Variants in POLR2E observed in about 807,000 individuals in gnomAD.
POLR2E encodes the protein RNA polymerase II, I and III subunit E, also known as DNA-directed RNA polymerases I, II, and III subunit RPABC1.
In POLR2E, 35 loss-of-function variants were observed where a neutral mutation model predicts 29.8. That is an observed-to-expected ratio of 1.17 (90% confidence interval 0.90 to 1.55). The LOEUF is 1.55. Ranked by LOEUF, POLR2E falls within the 40% of genes most tolerant of loss-of-function variation. POLR2E has a pLI of 0.00. For synonymous variants in POLR2E, 174 were observed against 112.6 expected, an observed-to-expected ratio of 1.55 and a Z score of -3.45; for missense variants, 287 against 288.6, an observed-to-expected ratio of 0.99 and a Z score of 0.04.
chr19:1,093,800 G>A (rs758414422), intron 2 of POLR2E, 104 bp downstream of exon 2: 9 of 1,441,022 alleles, frequency 6.2e-6, no homozygotes, highest in African/African-American at 1.5e-5. Flanking sequence ...TGGGCAGAGA[G>A]ACAAATGCTG....
chr19:1,088,951 C>T (rs1487803319), intron 7 of POLR2E, among the ~76,000 whole-genome samples: 4 of 152,130 alleles, frequency 2.6e-5, no homozygotes, highest in Non-Finnish European at 4.4e-5. Flanking sequence ...CACCCCTGGG[C>T]TGAGTGTGAA....
chr19:1,089,273 A>G (rs2043776698), intron 7 of POLR2E, among the ~76,000 whole-genome samples, 199 bp downstream of exon 7: 1 of 152,200 alleles, frequency 6.6e-6, no homozygotes, highest in South Asian at 2.1e-4. Context: ...GTCCAGGCGC[A>G]CAGCCCCAAG....
intron 2 of POLR2E, among the ~76,000 whole-genome samples, chr19:1,093,331 T>C (rs980702989): frequency 2.6e-4 from 39 of 152,356 alleles, no homozygotes; most frequent in African/African-American, 8.9e-4. Flanking sequence ...CTGAGGGCTT[T>C]AGAGCCATAC....
chr19:1,090,823 C>T (rs2043812946), intron 4 of POLR2E, 85 bp downstream of exon 4: 1 of 1,196,334 alleles, frequency 8.4e-7, no homozygotes, highest in African/African-American at 1.5e-5. Flanking sequence ...TGCCCTGGGC[C>T]CCAGATCCCA....
chr19:1,094,960 C>A, intron 1 of POLR2E: 2 of 497,956 alleles, frequency 4.0e-6, no homozygotes, highest in Non-Finnish European at 7.1e-6. Context: ...GGGGGCGCCC[C>A]CCGTCCCCAT....
chr19:1,094,235 C>T (rs1167735894), intron 1 of POLR2E, 157 bp from the exon 2 acceptor site: 19 of 631,858 alleles, frequency 3.0e-5, no homozygotes, highest in Non-Finnish European at 2.2e-5. Flanking sequence ...CACCCCGGCC[C>T]CCACAGCCTC....
At chr19:1,089,616 G>A (rs1403155355) in intron 6 of POLR2E, 65 bp from the exon 7 acceptor site, 17 of 1,396,804 alleles carry the variant, frequency 1.2e-5, no homozygotes, top group African/African-American at 2.8e-5. Flanking sequence ...CCAGACAGCA[G>A]GCGGGCAGCA....
chr19:1,094,073 G>A lies in POLR2E; in HGVS notation c.63C>T (p.Cys21=). ...GGGTCACCAGATAGCCACGGTCGTG[G>A]CACAGCTGCAGAGAGAAAGAACCAG... is the stretch of plus-strand genomic sequence containing the variant. ...WKIRKTIMQL[C]HDRGYLVTQD... is the part of the protein sequence containing the mutation. The change falls in exon 2 of 8, where the codon TGC becomes TGT. Residue 21 remains cysteine, a synonymous_variant. Transcript: ENST00000615234. 1 of 1,609,722 alleles carries A rather than the reference G, an allele frequency of 6.2e-7. No homozygotes were observed. The highest frequency in any genetic ancestry group is 1.1e-5 in the South Asian group (1 of 90,636).
chr19:1,092,645 G>A (rs201376246), intron 2 of POLR2E, among the ~76,000 whole-genome samples: 32 of 152,020 alleles, frequency 2.1e-4, no homozygotes, highest in African/African-American at 5.8e-4. Context: ...CAGAGATTGC[G>A]CCACTGCACT....
At position 1,087,057 on chromosome 19, in the gene POLR2E, C is replaced by T. The variant is rs1387536976; in HGVS notation, c.*1678G>A. 1 of 151,654 alleles carries T rather than the reference C, an allele frequency of 6.6e-6. No individual in the cohort carries two copies. Among genetic ancestry groups the T allele is most frequent in the African/African-American group, 2.4e-5 (1 of 41,214 alleles). 9.4% of individuals were successfully genotyped at this position (151,654 alleles called of 1,614,324 possible). On this transcript the variant is annotated 3_prime_UTR_variant, in exon 8 of 8. Transcript: ENST00000615234. The stretch of plus-strand genomic sequence containing the variant: ...CCAGGCTGGAGTACAGGAGCACAAT[C>T]GTAGCTCACTGCAGCCTCGGCCTCC...
Position 1,089,563 on chromosome 19 carries a change from G to A in POLR2E, c.568-12C>T, listed in dbSNP as rs1053802926. 9.3e-6 allele frequency: 15 copies of A among 1,612,168 alleles called. No individual in the cohort carries two copies. The highest frequency in any genetic ancestry group is 1.2e-5 in the Non-Finnish European group (14 of 1,178,364). On this transcript the variant is annotated splice_polypyrimidine_tract_variant and intron_variant, in intron 6 of 7. Transcript: ENST00000615234. ...ATGATCTTCACCACCTGCAGAGACA[G>A]AGAGCAGGGGCTGCGAATGCTTGAG... is the stretch of plus-strand genomic sequence containing the variant.
At chr19:1,095,139 G>T in intron 1 of POLR2E, 120 bp downstream of exon 1, 3 of 1,058,756 alleles carry the variant, frequency 2.8e-6, no homozygotes, top group Non-Finnish European at 4.2e-6. Context: ...CTCCCGTATC[G>T]GCCCGGCCCT....
chr19:1,091,951 G>A (rs772170528), intron 2 of POLR2E, 44 bp from the exon 3 acceptor site: 41 of 1,406,796 alleles, frequency 2.9e-5, no homozygotes, highest in Middle Eastern at 1.8e-4. Flanking sequence ...CTGGGCCCTC[G>A]TGGCCCTCGC....
chr19:1,091,420 C>T (rs910567953), intron 3 of POLR2E: 2 of 378,772 alleles, frequency 5.3e-6, no homozygotes, highest in Non-Finnish European at 9.9e-6. Flanking sequence ...CACGGATAGG[C>T]CCCTGGAGGA....
At position 1,091,915 on chromosome 19, in the gene POLR2E, CAGAG is replaced by C. The variant is rs759072372; in HGVS notation, c.233-12_233-9del. On this transcript the variant is annotated splice_polypyrimidine_tract_variant and intron_variant, in intron 2 of 7. Transcript: ENST00000615234. ...TGCCCACCTTGGGCTCCTCTGCAGACAGAGAGTGTGCTGGCCTGCACGAGCCTGG... is the reference window on the plus strand; with the variant it reads ...TGCCCACCTTGGGCTCCTCTGCAGACAGTGTGCTGGCCTGCACGAGCCTGG... 5.0e-6 allele frequency: 8 copies of C among 1,594,658 alleles called. No homozygotes were observed. The East Asian group carries it at 6.7e-5, about 13-fold the overall frequency.
At position 1,094,031 on chromosome 19, in the gene POLR2E, C is replaced by T. The variant is rs2043893421; in HGVS notation, c.105G>A (p.Gln35=). ...ATTGGGCTTTGAACTCCTCCAGGGT[C>T]TGGTCAAGCTCGTCCTGGGTCACCA... ...GYLVTQDELD[Q]TLEEFKAQSG... Residue 35 remains glutamine (Q), a synonymous_variant, in exon 2 of 8, where the codon CAG becomes CAA. Transcript: ENST00000615234. 1 of 1,613,742 alleles carries T rather than the reference C, an allele frequency of 6.2e-7. No homozygotes were observed. Among genetic ancestry groups the T allele is most frequent in the Non-Finnish European group, 8.5e-7 (1 of 1,179,884 alleles).
At chr19:1,092,263 G>A (rs1207225647) in intron 2 of POLR2E, 4 of 225,920 alleles carry the variant, frequency 1.8e-5, no homozygotes, top group East Asian at 1.1e-4. Context: ...CACACCCCAG[G>A]ACGCTCTCTT....
In POLR2E at chr19:1,094,098, G is replaced by C; in HGVS notation, c.58-20C>G. ...GCACAGCTGCAGAGAGAAAGAACCA[G>C]CTGACCCCAGGGCAGAGAGAGGAAG... is the stretch of plus-strand genomic sequence containing the variant. On this transcript the variant is annotated intron_variant, in intron 1 of 7. Transcript: ENST00000615234. 3 of 1,596,720 alleles carry C rather than the reference G, an allele frequency of 1.9e-6. No homozygotes were observed. Among genetic ancestry groups the C allele is most frequent in the Non-Finnish European group, 2.6e-6 (3 of 1,171,646 alleles).
chr19:1,090,727 A>T (rs1444353264), intron 4 of POLR2E, among the ~76,000 whole-genome samples, 181 bp downstream of exon 4: 1 of 151,822 alleles, frequency 6.6e-6, no homozygotes, highest in Non-Finnish European at 1.5e-5. Context: ...CGGGATCTGC[A>T]TTTCTAGGAA....
Sources: gnomAD v4.1 joint callset for allele counts (sites outside exome capture counted in the v4.1 genomes callset) on GRCh38, gnomAD v4.1.1 for gene constraint, MANE v1.5 for transcripts, NCBI Gene and HGNC (gene_info 2026-07-23, HGNC 2026-07-21) for gene names.